Variants in ADCY1 observed in about 807,000 individuals in gnomAD.
ADCY1 encodes the protein adenylate cyclase type 1.
Under a neutral mutation model 105.4 loss-of-function variants are expected in ADCY1, and 28 were observed. That is an observed-to-expected ratio of 0.27 (90% CI 0.20 to 0.36). ADCY1 has a LOEUF of 0.36. ADCY1 is among the 10% of genes least tolerant of loss of function. The pLI, the probability that ADCY1 is intolerant of heterozygous loss-of-function variation, is 1.00. For synonymous variants in ADCY1, 655 were observed against 623.8 expected (o/e 1.05, Z -0.75); for missense variants, 977 against 1,434.2 (o/e 0.68, Z 5.15).
chr7:45,680,065 G>GA (rs1324608209), intron 11 of ADCY1, among the ~76,000 whole-genome samples: 1 of 152,240 alleles, frequency 6.6e-6, no homozygotes, highest in African/African-American at 2.4e-5. Context: ...TAGACAGGAA[G>GA]AAAGAGTCTG....
At chr7:45,665,095 G>T (rs376796052) in intron 8 of ADCY1, among the ~76,000 whole-genome samples, 1 of 152,230 alleles carries the variant, frequency 6.6e-6, no homozygotes, top group East Asian at 1.9e-4. Context: ...CCATGTCCCT[G>T]CAAAGGACAT....
intron 1 of ADCY1, among the ~76,000 whole-genome samples, chr7:45,583,066 G>A (rs942739352): frequency 6.6e-6 from 1 of 152,238 alleles, no homozygotes; most frequent in African/African-American, 2.4e-5. Flanking sequence ...GCTCGGGTGT[G>A]ACTTCGTAGA....
chr7:45,652,959 C>G (rs1462825441), intron 5 of ADCY1, among the ~76,000 whole-genome samples: 1 of 152,222 alleles, frequency 6.6e-6, no homozygotes, highest in Non-Finnish European at 1.5e-5. Flanking sequence ...GACCCTGCCC[C>G]CAGCTTACTT....
At position 45,647,209 on chromosome 7, in the gene ADCY1, T is replaced by C. The variant is rs1360956360; in HGVS notation, c.1021-1461T>C. The stretch of plus-strand genomic sequence containing the variant: ...GCTCAGCTCTGGGAAGATACTTCCA[T>C]GGACAGGCCATTCAGCTGCTAGGCC... On this transcript the variant is annotated intron_variant, in intron 4 of 19. Transcript: ENST00000297323. This position sits in a 1 kb window ranked among gnomAD's most constrained non-coding sequence, Gnocchi z 4.6. Among the ~76,000 whole-genome samples the C allele has an allele frequency of 6.6e-6, 1 of 152,224 alleles. No individual in the cohort carries two copies. The highest frequency in any genetic ancestry group is 1.5e-5 in the Non-Finnish European group (1 of 68,044).
rs531241044 is a variant in ADCY1 at position 45,664,971 on chromosome 7, C to T, written c.1605+2757C>T. Among the ~76,000 whole-genome samples, 5 of 152,242 alleles carry T rather than the reference C, an allele frequency of 3.3e-5. No individual in the cohort carries two copies. In the South Asian group the frequency reaches 1.0e-3, roughly 32 times the overall value. ...ACAGGCCTCTGTGTGTGATGTTCCC[C>T]TCCCTGTATCCATGTATTCTCATTG... On this transcript the variant is annotated intron_variant, in intron 8 of 19. Transcript: ENST00000297323.
chr7:45,596,448 A>T (rs991837692), intron 2 of ADCY1, among the ~76,000 whole-genome samples: 1 of 151,858 alleles, frequency 6.6e-6, no homozygotes. Context: ...CCAGTCTGGG[A>T]GGGCTTCTGG....
At chr7:45,643,428 A>G (rs1794577768) in intron 4 of ADCY1, among the ~76,000 whole-genome samples, 1 of 152,196 alleles carries the variant, frequency 6.6e-6, no homozygotes, top group South Asian at 2.1e-4. Context: ...TAGTAGGCTC[A>G]AAATAACATT....
chr7:45,593,171 T>C (rs1397372918), intron 2 of ADCY1, among the ~76,000 whole-genome samples: 5 of 152,214 alleles, frequency 3.3e-5, no homozygotes, highest in Admixed American at 6.5e-5. Context: ...GGACTTCCGG[T>C]TGCAGCTGGA....
At chr7:45,618,101 A>G (rs549280181) in intron 3 of ADCY1, among the ~76,000 whole-genome samples, 1 of 152,338 alleles carries the variant, frequency 6.6e-6, no homozygotes, top group East Asian at 1.9e-4. Flanking sequence ...CTGATTTTTG[A>G]CAAAGGTGCC....
At chr7:45,685,175 A>G in intron 12 of ADCY1, 107 bp downstream of exon 12, 1 of 1,067,490 alleles carries the variant, frequency 9.4e-7, no homozygotes, top group Admixed American at 1.8e-5. Context: ...AGGTCATCAG[A>G]GACGTCAGTA....
At position 45,695,824 on chromosome 7, in the gene ADCY1, C is replaced by T. The variant is rs541955129; in HGVS notation, c.2455-7552C>T. 9.2e-5 allele frequency among the ~76,000 whole-genome samples: 14 copies of T among 152,336 alleles called. No individual in the cohort carries two copies. In the South Asian group the frequency reaches 1.7e-3, roughly 18 times the overall value. On this transcript the variant is annotated intron_variant, in intron 14 of 19. Transcript: ENST00000297323. ...CTCAATGCCATGTTGGGCTTGAGCACGTGAAGTTCACCTGCAGGCCCTAAC... is the reference window on the plus strand; with the variant it reads ...CTCAATGCCATGTTGGGCTTGAGCATGTGAAGTTCACCTGCAGGCCCTAAC...
chr7:45,659,320 A>G (rs1189885809), intron 6 of ADCY1, among the ~76,000 whole-genome samples: 1 of 152,164 alleles, frequency 6.6e-6, no homozygotes, highest in African/African-American at 2.4e-5. Context: ...CCCTGCGAGG[A>G]GTTCAGAAGG....
chr7:45,612,524 A>G (rs769420697), intron 3 of ADCY1, among the ~76,000 whole-genome samples: 27 of 152,248 alleles, frequency 1.8e-4, no homozygotes, highest in Non-Finnish European at 3.2e-4. Flanking sequence ...AGAACAGACC[A>G]CCAGAATAAT....
intron 4 of ADCY1, among the ~76,000 whole-genome samples, chr7:45,637,830 A>G (rs1335084139): frequency 6.6e-6 from 1 of 152,172 alleles, no homozygotes; most frequent in Non-Finnish European, 1.5e-5. Flanking sequence ...ATTTTGCCTA[A>G]ATTTTTTAAA....
intron 2 of ADCY1, among the ~76,000 whole-genome samples, chr7:45,608,175 T>A (rs546911549): frequency 3.9e-5 from 6 of 152,380 alleles, no homozygotes; most frequent in African/African-American, 1.4e-4. Flanking sequence ...ATGGTGGTTT[T>A]GATTTGCATT....
chr7:45,662,010 A>ATG (rs1562712958), intron 7 of ADCY1, 49 bp from the exon 8 acceptor site: 1 of 1,581,738 alleles, frequency 6.3e-7, no homozygotes, highest in South Asian at 1.2e-5. Context: ...GAGAGGCACA[A>ATG]TGTGTCTCAT....
At position 45,686,549 on chromosome 7, in the gene ADCY1, G is replaced by T. The variant is rs764534542; in HGVS notation, c.2330G>T (p.Gly777Val). ...LELSGYTRTG[G>V]GAVSGRSYEP... is the part of the protein sequence containing the mutation. ...TTTTCTTCCTCATCTTCCCCCAGGGGTGGTGCCGTCTCCGGGCGCAGCTAC... is the reference window on the plus strand; with the variant it reads ...TTTTCTTCCTCATCTTCCCCCAGGGTTGGTGCCGTCTCCGGGCGCAGCTAC... The change falls in exon 14 of 20, where the codon GGT becomes GTT. Residue 777 changes from glycine (G) to valine (V), a missense_variant and splice_region_variant. By Grantham distance (109) the Gly-to-Val change is moderately radical. Around this residue, in one of 7 missense-constraint regions of ADCY1, gnomAD observed 275 missense variants for 362.1 expected, o/e 0.76. Transcript: ENST00000297323. The surrounding 1 kb of genome is among the most constrained non-coding windows in gnomAD (Gnocchi z 4.3). 1 of 1,610,222 alleles carries T rather than the reference G, an allele frequency of 6.2e-7. No individual in the cohort carries two copies. The highest frequency in any genetic ancestry group is 1.7e-5 in the Admixed American group (1 of 59,800).
In ADCY1 at chr7:45,710,087, T is replaced by A. The variant is rs745657523; in HGVS notation, c.2933-441T>A. 6.6e-6 allele frequency among the ~76,000 whole-genome samples: 1 copy of A among 152,206 alleles called. No homozygotes were observed. Among genetic ancestry groups the A allele is most frequent in the Non-Finnish European group, 1.5e-5 (1 of 68,034 alleles). On this transcript the variant is annotated intron_variant, in intron 18 of 19. Transcript: ENST00000297323. This position sits in a 1 kb window ranked among gnomAD's most constrained non-coding sequence, Gnocchi z 4.7. ...CTCTAAAATAGCCATAAGGTCACAT[T>A]CTGAGAAAAGGTCCGGAGCTGCTAT...
At chr7:45,684,387 A>G (rs1429374717) in intron 11 of ADCY1, 1 of 152,124 alleles carries the variant, frequency 6.6e-6, no homozygotes, top group East Asian at 1.9e-4. Flanking sequence ...CTAGTCGGGG[A>G]CTCTAGCAGG....
Sources: allele counts gnomAD v4.1 joint callset (sites outside exome capture counted in the v4.1 genomes callset), GRCh38; gene constraint gnomAD v4.1.1; regional missense constraint gnomAD v4.1.1; non-coding constraint Gnocchi (gnomAD v3.1); transcripts MANE v1.5; gene names NCBI Gene and HGNC (gene_info 2026-07-23, HGNC 2026-07-21).